LRRIQ3: variants seen among roughly 807,000 people sequenced by gnomAD.
The protein encoded by LRRIQ3 is leucine-rich repeat and IQ domain-containing protein 3.
LRRIQ3 carries 75 observed loss-of-function variants against 59.3 expected under a neutral mutation model. That is an observed-to-expected ratio of 1.26 (90% CI 1.05 to 1.53). The LOEUF is 1.53. LRRIQ3 is among the 40% of genes most tolerant of loss of function. The pLI, the probability that LRRIQ3 is intolerant of heterozygous loss-of-function variation, is 0.00. For missense variants in LRRIQ3, 831 were observed against 710.0 expected (o/e 1.17, Z -1.94); for synonymous variants, 250 against 231.3 (o/e 1.08, Z -0.73).
At chr1:74,040,291 C>G (rs1411133875) in intron 7 of LRRIQ3, among the ~76,000 whole-genome samples, 2 of 152,112 alleles carry the variant, frequency 1.3e-5, no homozygotes, top group Non-Finnish European at 2.9e-5. Flanking sequence ...ATCCATAAAA[C>G]AAGTTCTTAG....
intron 5 of LRRIQ3, among the ~76,000 whole-genome samples, chr1:74,107,711 TA>T (rs1291192677): frequency 1.3e-5 from 2 of 150,894 alleles, no homozygotes; most frequent in East Asian, 3.9e-4. Context: ...ATAAAGAAAC[TA>T]TTCATCAAAA....
chr1:74,106,861 C>T (rs919957927), intron 5 of LRRIQ3, among the ~76,000 whole-genome samples: 1 of 151,864 alleles, frequency 6.6e-6, no homozygotes, highest in African/African-American at 2.4e-5. Flanking sequence ...GTATTTATGC[C>T]AGCCTAATCT....
At chr1:74,168,969 G>C (rs1383340150) in intron 3 of LRRIQ3, among the ~76,000 whole-genome samples, 2 of 152,062 alleles carry the variant, frequency 1.3e-5, no homozygotes, top group Non-Finnish European at 2.9e-5. Context: ...AAACTTTTAA[G>C]TTTACAATAC....
At chr1:74,122,301 T>C (rs953693505) in intron 4 of LRRIQ3, among the ~76,000 whole-genome samples, 2 of 152,164 alleles carry the variant, frequency 1.3e-5, no homozygotes, top group African/African-American at 2.4e-5. Flanking sequence ...TGTTATCTCA[T>C]AGTTTTGATT....
At position 74,099,283 on chromosome 1, in the gene LRRIQ3, C is replaced by T. The variant is rs377686090; in HGVS notation, c.867+10111G>A. On this transcript the variant is annotated intron_variant, in intron 5 of 7. Transcript: ENST00000354431. ...TCAGAGAATACTATAAACACCTCTACGCAAATAAACTAGAAAATCTAGAAG... is the reference window on the plus strand; with the variant it reads ...TCAGAGAATACTATAAACACCTCTATGCAAATAAACTAGAAAATCTAGAAG... Among the ~76,000 whole-genome samples the T allele has an allele frequency of 1.3e-4, 20 of 152,206 alleles. No homozygotes were observed. The East Asian group carries it at 1.5e-3, about 12-fold the overall frequency.
chr1:74,134,981 G>A (rs557344083), intron 4 of LRRIQ3, among the ~76,000 whole-genome samples: 3 of 151,980 alleles, frequency 2.0e-5, no homozygotes, highest in South Asian at 2.1e-4. Flanking sequence ...ATAGCAAAAC[G>A]TAAGTTTCTA....
intron 3 of LRRIQ3, among the ~76,000 whole-genome samples, chr1:74,161,575 T>C (rs575249934): frequency 6.6e-6 from 1 of 151,804 alleles, no homozygotes; most frequent in African/African-American, 2.4e-5. Flanking sequence ...GTAGAAGTGT[T>C]GGAGAAGCAG....
intron 3 of LRRIQ3, among the ~76,000 whole-genome samples, chr1:74,176,948 C>G (rs1000259683): frequency 6.6e-6 from 1 of 152,102 alleles, no homozygotes; most frequent in African/African-American, 2.4e-5. Context: ...TCTAAACTCC[C>G]CACCCAGACT....
At chr1:74,152,847 T>C (rs1340911576) in intron 4 of LRRIQ3, among the ~76,000 whole-genome samples, 1 of 152,160 alleles carries the variant, frequency 6.6e-6, no homozygotes, top group Admixed American at 6.5e-5. Context: ...GAACCTGATA[T>C]TTATTTACAT....
At chr1:74,139,878 T>C (rs1428805674) in intron 4 of LRRIQ3, among the ~76,000 whole-genome samples, 1 of 151,920 alleles carries the variant, frequency 6.6e-6, no homozygotes, top group African/African-American at 2.4e-5. Flanking sequence ...TATATTAAAG[T>C]AAATAAGCAT....
At chr1:74,153,590 CAT>C (rs1276383053) in intron 4 of LRRIQ3, among the ~76,000 whole-genome samples, 11 of 152,130 alleles carry the variant, frequency 7.2e-5, no homozygotes, top group East Asian at 3.9e-4. Context: ...GAGCACCTAA[CAT>C]GTGTCAGGCA....
intron 7 of LRRIQ3, among the ~76,000 whole-genome samples, chr1:74,031,533 G>A (rs1002401087): frequency 6.7e-6 from 1 of 150,006 alleles, no homozygotes; most frequent in African/African-American, 2.5e-5. Flanking sequence ...AACACCGCAT[G>A]TTCTCACTCA....
chr1:74,082,099 C>T (rs2100497342), intron 5 of LRRIQ3: 1 of 151,514 alleles, frequency 6.6e-6, no homozygotes, highest in South Asian at 2.1e-4. Context: ...ATATCCATGG[C>T]ATAATATTAA....
At position 74,047,607 on chromosome 1, in the gene LRRIQ3, A is replaced by T. The variant is rs565063379; in HGVS notation, c.998-5674T>A. Among the ~76,000 whole-genome samples the T allele has an allele frequency of 6.6e-4, 100 of 152,134 alleles. 1 individual carries two copies. The highest frequency in any genetic ancestry group is 5.4e-3 in the South Asian group (26 of 4,816). The stretch of plus-strand genomic sequence containing the variant: ...AAAGAAATTAAAGTATATATATATA[A>T]AAAAGAGGCCTGATAGAGGTCCTTC... On this transcript the variant is annotated intron_variant, in intron 6 of 7. Transcript: ENST00000354431.
At chr1:74,125,174 C>T (rs1374881142) in intron 4 of LRRIQ3, among the ~76,000 whole-genome samples, 2 of 151,664 alleles carry the variant, frequency 1.3e-5, no homozygotes, top group Non-Finnish European at 3.0e-5. Context: ...TGTTGGCATA[C>T]AGAAATGCTA....
In LRRIQ3 at chr1:74,031,554, T is replaced by C. The variant is rs545697938; in HGVS notation, c.1719-4585A>G. ...GCATGTTCTCACTCATAGGTGGGAA[T>C]TGAACAATGAGAACACTTGAACACA... On this transcript the variant is annotated intron_variant, in intron 7 of 7. Coordinates refer to ENST00000354431, the MANE Select transcript of LRRIQ3 (RefSeq NM_001105659.2). Among the ~76,000 whole-genome samples the C allele has an allele frequency of 2.7e-4, 40 of 148,746 alleles. No individual in the cohort carries two copies. The South Asian group carries it at 3.7e-3, about 14-fold the overall frequency.
At chr1:74,148,775 T>C (rs1166354878) in intron 4 of LRRIQ3, among the ~76,000 whole-genome samples, 1 of 152,166 alleles carries the variant, frequency 6.6e-6, no homozygotes, top group Admixed American at 6.5e-5. Flanking sequence ...AACATGACCA[T>C]GCGAGTAACA....
intron 7 of LRRIQ3, among the ~76,000 whole-genome samples, chr1:74,033,050 G>T (rs763202719): frequency 6.6e-6 from 1 of 151,972 alleles, no homozygotes; most frequent in Admixed American, 6.6e-5. Flanking sequence ...GAGAAGGAGA[G>T]GCCATAAGTG....
intron 3 of LRRIQ3, among the ~76,000 whole-genome samples, chr1:74,158,274 A>C (rs1184556263): frequency 6.6e-6 from 1 of 152,172 alleles, no homozygotes; most frequent in East Asian, 1.9e-4. Context: ...TGAGCATTCC[A>C]AAATGTAAAT....
Sources: gnomAD v4.1 joint callset for allele counts (sites outside exome capture counted in the v4.1 genomes callset) on GRCh38, gnomAD v4.1.1 for gene constraint, MANE v1.5 for transcripts, NCBI Gene and HGNC (gene_info 2026-07-23, HGNC 2026-07-21) for gene names.